SAXO1: variants seen among roughly 807,000 people sequenced by gnomAD.
SAXO1 encodes the protein stabilizer of axonemal microtubules 1, also known as 4930500O09Rik.
In SAXO1, 21 loss-of-function variants were observed where a neutral mutation model predicts 17.5. The ratio of observed to expected loss-of-function variants is 1.20; its 90% CI spans 0.85 to 1.72. The LOEUF is 1.72. Ranked by LOEUF, SAXO1 falls within the 40% of genes most tolerant of loss-of-function variation. The pLI is 0.00. For missense variants in SAXO1, 843 were observed against 596.0 expected (o/e 1.41, Z -4.32); for synonymous variants, 274 against 216.5 (o/e 1.27, Z -2.33).
At chr9:18,955,580 G>T (rs147449757) in intron 1 of SAXO1, among the ~76,000 whole-genome samples, 1 of 152,166 alleles carries the variant, frequency 6.6e-6, no homozygotes. Context: ...TACAATATCC[G>T]TCTCTTTCTT....
intron 2 of SAXO1, among the ~76,000 whole-genome samples, chr9:18,942,216 G>C (rs1169832963): frequency 6.6e-6 from 1 of 152,026 alleles, no homozygotes; most frequent in Non-Finnish European, 1.5e-5. Flanking sequence ...ACCATAATGT[G>C]GCCAGAATAA....
intron 3 of SAXO1, 40 bp from the exon 4 acceptor site, chr9:18,929,095 G>A (rs900875421): frequency 2.5e-6 from 4 of 1,597,868 alleles, no homozygotes; most frequent in Non-Finnish European, 3.4e-6. Context: ...AATAAATCAA[G>A]TCAACCAACT....
chr9:19,027,868 G>C, intron 1 of SAXO1: 4 of 1,380,490 alleles, frequency 2.9e-6, no homozygotes, highest in Non-Finnish European at 4.1e-6. Context: ...TGCTACGCTA[G>C]GGCGGCCTGG....
intron 3 of SAXO1, among the ~76,000 whole-genome samples, chr9:18,934,097 T>G (rs2131677975): frequency 6.6e-6 from 1 of 152,242 alleles, no homozygotes; most frequent in Non-Finnish European, 1.5e-5. Context: ...ATGTGATGAG[T>G]CATTTCTCTT....
intron 1 of SAXO1, among the ~76,000 whole-genome samples, chr9:18,952,061 A>C (rs1379656841): frequency 6.6e-6 from 1 of 152,220 alleles, no homozygotes. Flanking sequence ...TAGTAAATGA[A>C]ACTTACTTAT....
chr9:19,016,056 C>T (rs1382209879), intron 1 of SAXO1, among the ~76,000 whole-genome samples: 1 of 152,168 alleles, frequency 6.6e-6, no homozygotes, highest in Non-Finnish European at 1.5e-5. Flanking sequence ...AGGGGAAGGG[C>T]ACCATCATGA....
intron 1 of SAXO1, among the ~76,000 whole-genome samples, chr9:19,048,045 C>G (rs924281274): frequency 4.6e-5 from 7 of 152,152 alleles, no homozygotes; most frequent in African/African-American, 1.7e-4. Context: ...CTATGATTTC[C>G]ATAAACTACA....
upstream of SAXO1, among the ~76,000 whole-genome samples, chr9:19,037,300 G>C (rs536492196): frequency 6.6e-6 from 1 of 152,180 alleles, no homozygotes; most frequent in Non-Finnish European, 1.5e-5. Flanking sequence ...GGACTGTTGG[G>C]AAGGCATGTT....
Position 18,967,591 on chromosome 9 carries a change from C to G in SAXO1, c.39-16654G>C, listed in dbSNP as rs191240201. Among the ~76,000 whole-genome samples, 27 of 152,312 alleles carry G rather than the reference C, an allele frequency of 1.8e-4. No individual in the cohort carries two copies. The East Asian group carries it at 4.1e-3, about 23-fold the overall frequency. On this transcript the variant is annotated intron_variant, in intron 1 of 3. Coordinates refer to ENST00000380534, the MANE Select transcript of SAXO1 (RefSeq NM_153707.4). ...AGCCTCAGTAATAGTGGATGCCCCT[C>G]CCCCAACCAAGCTCGAGTGTCCCAG...
intron 1 of SAXO1, among the ~76,000 whole-genome samples, chr9:19,011,797 C>G (rs1834739245): frequency 6.6e-6 from 1 of 151,716 alleles, no homozygotes; most frequent in African/African-American, 2.4e-5. Flanking sequence ...TCTTCTTTCT[C>G]AAATTCCATA....
At chr9:19,043,273 G>A (rs1258414102) in intron 1 of SAXO1, among the ~76,000 whole-genome samples, 1 of 152,194 alleles carries the variant, frequency 6.6e-6, no homozygotes, top group Non-Finnish European at 1.5e-5. Context: ...AGATCATTAT[G>A]TTAAGTGAAA....
intron 2 of SAXO1, among the ~76,000 whole-genome samples, chr9:18,945,364 C>T (rs939883191): frequency 3.9e-5 from 6 of 152,192 alleles, no homozygotes; most frequent in South Asian, 2.1e-4. Flanking sequence ...CCTTGACTTC[C>T]GTGATACCAC....
At chr9:18,966,651 T>C (rs1159792952) in intron 1 of SAXO1, among the ~76,000 whole-genome samples, 2 of 151,504 alleles carry the variant, frequency 1.3e-5, no homozygotes. Flanking sequence ...TAACCTTTTA[T>C]CAAGGTTCTT....
chr9:19,048,024 G>C (rs1836263130), intron 1 of SAXO1, among the ~76,000 whole-genome samples: 1 of 152,078 alleles, frequency 6.6e-6, no homozygotes, highest in Non-Finnish European at 1.5e-5. Context: ...ATTGTATTAT[G>C]GAATTTCACT....
chr9:19,028,609 C>T (rs1410014200), intron 1 of SAXO1, among the ~76,000 whole-genome samples: 1 of 152,184 alleles, frequency 6.6e-6, no homozygotes, highest in Non-Finnish European at 1.5e-5. Flanking sequence ...CAATACTCTG[C>T]TTTTTTGGTG....
At chr9:19,024,113 T>A (rs1156856456) in intron 1 of SAXO1, among the ~76,000 whole-genome samples, 1 of 143,560 alleles carries the variant, frequency 7.0e-6, no homozygotes, top group Non-Finnish European at 1.5e-5. Context: ...TGCTGGCGAG[T>A]TCACATTCTG....
chr9:18,937,066 C>T lies in SAXO1; in HGVS notation c.421+4571G>A, dbSNP rs372711778. Among the ~76,000 whole-genome samples, 40 of 152,212 alleles carry T rather than the reference C, an allele frequency of 2.6e-4. No homozygotes were observed. In the South Asian group the frequency reaches 7.7e-3, roughly 29 times the overall value. On this transcript the variant is annotated intron_variant, in intron 3 of 3. Transcript: ENST00000380534. ...GGTGGTAGAGGAGGAAGAGAATCAA[C>T]GTATGGTCATAAAACATGAAGGTTG...
intron 1 of SAXO1, among the ~76,000 whole-genome samples, chr9:19,010,619 A>C (rs541161222): frequency 6.6e-6 from 1 of 152,252 alleles, no homozygotes; most frequent in South Asian, 2.1e-4. Flanking sequence ...TGTACTCTTT[A>C]CTTGTTTATA....
At chr9:19,018,031 G>C (rs112368207) in intron 1 of SAXO1, among the ~76,000 whole-genome samples, 1 of 152,140 alleles carries the variant, frequency 6.6e-6, no homozygotes, top group South Asian at 2.1e-4. Flanking sequence ...AGTCGGGTGT[G>C]GTTGTACACA....
Sources: allele counts gnomAD v4.1 joint callset (sites outside exome capture counted in the v4.1 genomes callset), GRCh38; gene constraint gnomAD v4.1.1; transcripts MANE v1.5; gene names NCBI Gene and HGNC (gene_info 2026-07-23, HGNC 2026-07-21).